ANO10: variants seen among roughly 807,000 people sequenced by gnomAD.
ANO10 encodes anoctamin 10.
Under a neutral mutation model 74.7 loss-of-function variants are expected in ANO10, and 77 were observed. That is an observed-to-expected ratio of 1.03 (90% CI 0.86 to 1.25). The LOEUF (loss-of-function observed/expected upper bound fraction) is 1.25, where lower values mean the gene tolerates loss of function less well. Among genes scored for constraint, ANO10 ranks in the 50% most tolerant of loss-of-function variants. The probability of loss-of-function intolerance (pLI) is 0.00; values close to 1 mark genes in which losing one functional copy is unlikely to be tolerated. For synonymous variants in ANO10, 279 were observed against 284.9 expected, an observed-to-expected ratio of 0.98 and a Z score of 0.21; for missense variants, 721 against 778.1, an observed-to-expected ratio of 0.93 and a Z score of 0.87.
At chr3:43,456,309 AT>A (rs1223651924) in intron 11 of ANO10, among the ~76,000 whole-genome samples, 1 of 152,248 alleles carries the variant, frequency 6.6e-6, no homozygotes, top group Non-Finnish European at 1.5e-5. Context: ...GAAGTCCTAT[AT>A]TATACTGATG....
chr3:43,521,072 A>G (rs2077934537), intron 11 of ANO10, among the ~76,000 whole-genome samples: 1 of 152,180 alleles, frequency 6.6e-6, no homozygotes, highest in Non-Finnish European at 1.5e-5. Flanking sequence ...TTTTCTATTT[A>G]CAAGAGCACA....
intron 12 of ANO10, among the ~76,000 whole-genome samples, chr3:43,396,801 T>G (rs1020626434): frequency 6.6e-6 from 1 of 152,078 alleles, no homozygotes; most frequent in Non-Finnish European, 1.5e-5. Flanking sequence ...CCTGAATAGC[T>G]AGGCCTAAAG....
intron 12 of ANO10, chr3:43,372,766 C>G (rs2091661281): frequency 7.4e-7 from 1 of 1,346,458 alleles, no homozygotes; most frequent in Non-Finnish European, 1.0e-6. Flanking sequence ...CATGACTAGA[C>G]CCCAGGACCT....
intron 7 of ANO10, among the ~76,000 whole-genome samples, chr3:43,566,422 A>G (rs1333841168): frequency 6.6e-6 from 1 of 152,234 alleles, no homozygotes; most frequent in African/African-American, 2.4e-5. Context: ...ACCTCTGCAG[A>G]CTTAAATATC....
At chr3:43,623,602 C>T (rs2083463341), upstream of ANO10, among the ~76,000 whole-genome samples, 1 of 152,192 alleles carries the variant, frequency 6.6e-6, no homozygotes, top group East Asian at 1.9e-4. Flanking sequence ...CAGATCAATG[C>T]CTCAACAAAC....
chr3:43,372,335 C>A (rs563041759), intron 12 of ANO10, among the ~76,000 whole-genome samples: 1 of 152,138 alleles, frequency 6.6e-6, no homozygotes, highest in Admixed American at 6.5e-5. Flanking sequence ...TGCACTGAGA[C>A]GGCACCCCAG....
chr3:43,373,243 C>T (rs1471091618), intron 12 of ANO10, among the ~76,000 whole-genome samples: 1 of 151,814 alleles, frequency 6.6e-6, no homozygotes, highest in Non-Finnish European at 1.5e-5. Flanking sequence ...GCGAGTGTGA[C>T]AGAAATCATG....
At chr3:43,680,289 G>A (rs1447846995) in intron 1 of ANO10, among the ~76,000 whole-genome samples, 1 of 152,194 alleles carries the variant, frequency 6.6e-6, no homozygotes, top group Non-Finnish European at 1.5e-5. Context: ...TGTGACGAAT[G>A]CACAAGCCTC....
intron 11 of ANO10, among the ~76,000 whole-genome samples, chr3:43,452,175 CCAA>C (rs943375589): frequency 3.3e-5 from 5 of 151,998 alleles, no homozygotes; most frequent in African/African-American, 1.2e-4. Context: ...TTTAAAAAAA[CCAA>C]CAACACTTTA....
chr3:43,578,412 T>C (rs1485889856), intron 5 of ANO10, among the ~76,000 whole-genome samples: 1 of 152,128 alleles, frequency 6.6e-6, no homozygotes, highest in Non-Finnish European at 1.5e-5. Context: ...ACCCCATGCC[T>C]AGCCTTCACC....
intron 11 of ANO10, among the ~76,000 whole-genome samples, chr3:43,548,630 G>C (rs568087226): frequency 1.3e-5 from 2 of 152,302 alleles, no homozygotes; most frequent in East Asian, 3.9e-4. Flanking sequence ...GGTCAGCCCT[G>C]AGTCCTAAGG....
At chr3:43,565,591 T>C in intron 8 of ANO10, 62 bp downstream of exon 8, 3 of 1,276,084 alleles carry the variant, frequency 2.4e-6, no homozygotes, top group Non-Finnish European at 3.3e-6. Flanking sequence ...TTACAGCATC[T>C]AAAGATAGAA....
intron 11 of ANO10, among the ~76,000 whole-genome samples, chr3:43,534,481 A>C (rs765327614): frequency 4.7e-5 from 7 of 149,256 alleles, no homozygotes; most frequent in Admixed American, 1.3e-4. Context: ...CGCATGAGAG[A>C]GAGCGCGCAA....
intron 4 of ANO10, 98 bp from the exon 5 acceptor site, chr3:43,580,570 A>G (rs1417425695): frequency 1.4e-6 from 2 of 1,467,614 alleles, no homozygotes; most frequent in South Asian, 1.2e-5. Context: ...AGAGGAGTAC[A>G]ACGCAAAGGT....
At chr3:43,535,077 G>A (rs973438774) in intron 11 of ANO10, among the ~76,000 whole-genome samples, 2 of 151,418 alleles carry the variant, frequency 1.3e-5, no homozygotes, top group African/African-American at 2.4e-5. Flanking sequence ...AGGTTCAAGC[G>A]ATTCTTGTGC....
intron 4 of ANO10, among the ~76,000 whole-genome samples, chr3:43,584,391 G>A (rs2081384544): frequency 6.6e-6 from 1 of 152,140 alleles, no homozygotes; most frequent in Non-Finnish European, 1.5e-5. Flanking sequence ...ATGGACAGTG[G>A]GAAGCCAGGA....
chr3:43,504,932 G>GC (rs1253275329), intron 11 of ANO10, among the ~76,000 whole-genome samples: 1 of 152,128 alleles, frequency 6.6e-6, no homozygotes, highest in Non-Finnish European at 1.5e-5. Context: ...GAGCCACTGT[G>GC]CCCAGCAGAA....
rs141126662 is a variant in ANO10 at position 43,646,555 on chromosome 3, G to A, written c.-11-40692C>T. On this transcript the variant is annotated intron_variant, in intron 1 of 3. Coordinates refer to the ANO10 transcript ENST00000413397. ...CTTTTTGTTTGTTTGTTTTTGAGAC[G>A]GAGTCTTGCTCTGATGCCCAGGCTG... Among the ~76,000 whole-genome samples the A allele has an allele frequency of 3.7e-3, 560 of 152,234 alleles. 2 individuals carry two copies. The highest frequency in any genetic ancestry group is 0.013 in the African/African-American group (529 of 41,544).
upstream of ANO10, among the ~76,000 whole-genome samples, chr3:43,625,179 G>GA (rs368070971): frequency 6.6e-6 from 1 of 152,024 alleles, no homozygotes; most frequent in African/African-American, 2.4e-5. Context: ...CGGAGGGAGA[G>GA]AAAAAAAGGA....
Sources: gnomAD v4.1 joint callset for allele counts (sites outside exome capture counted in the v4.1 genomes callset) on GRCh38, gnomAD v4.1.1 for gene constraint, MANE v1.5 for transcripts, NCBI Gene and HGNC (gene_info 2026-07-23, HGNC 2026-07-21) for gene names.